The following NMT2 variants were observed in gnomAD, a reference collection of about 807,000 sequenced individuals.
NMT2 encodes N-myristoyltransferase 2.
In NMT2, 35 loss-of-function variants were observed where a neutral mutation model predicts 65.4. That is an observed-to-expected ratio of 0.54 (90% CI 0.41 to 0.71). The LOEUF (loss-of-function observed/expected upper bound fraction) is 0.71. Among genes scored for constraint, NMT2 ranks in the 30% least tolerant of loss-of-function variants. The pLI is 0.00. For synonymous variants in NMT2, 226 were observed against 231.8 expected (o/e 0.98, Z 0.23); for missense variants, 489 against 611.3 (o/e 0.80, Z 2.11).
intron 1 of NMT2, among the ~76,000 whole-genome samples, chr10:15,163,442 C>T (rs115707428): frequency 3.3e-4 from 51 of 152,336 alleles, no homozygotes; most frequent in African/African-American, 1.2e-3. Context: ...CAAAGGGTGA[C>T]ATCACCCATT....
intron 8 of NMT2, among the ~76,000 whole-genome samples, chr10:15,126,820 A>C (rs1315310301): frequency 6.6e-6 from 1 of 152,220 alleles, no homozygotes; most frequent in Non-Finnish European, 1.5e-5. Context: ...GTGTGATAAT[A>C]AATGTTGTTT....
At chr10:15,167,860 G>C (rs755558692) in intron 1 of NMT2, among the ~76,000 whole-genome samples, 18 of 152,198 alleles carry the variant, frequency 1.2e-4, no homozygotes, top group Non-Finnish European at 1.6e-4. Flanking sequence ...TCAGGGGATC[G>C]GCCCTGCTCT....
chr10:15,138,421 A>G (rs1044061770), intron 2 of NMT2: 6 of 471,006 alleles, frequency 1.3e-5, no homozygotes, highest in Admixed American at 9.4e-5. Flanking sequence ...CTGTCCATTC[A>G]CCTTCCATAG....
intron 1 of NMT2, among the ~76,000 whole-genome samples, chr10:15,148,402 A>G (rs898942281): frequency 9.2e-5 from 14 of 152,204 alleles, no homozygotes; most frequent in Non-Finnish European, 1.6e-4. Flanking sequence ...GGTCCCAGCT[A>G]CTCAGGAAGC....
At chr10:15,158,207 T>C (rs777432038) in intron 1 of NMT2, among the ~76,000 whole-genome samples, 1 of 151,678 alleles carries the variant, frequency 6.6e-6, no homozygotes, top group Non-Finnish European at 1.5e-5. Context: ...TCCCAGCTAC[T>C]TGGGAGGCTG....
chr10:15,153,942 G>A (rs967829939), intron 1 of NMT2, among the ~76,000 whole-genome samples: 1 of 152,182 alleles, frequency 6.6e-6, no homozygotes, highest in Non-Finnish European at 1.5e-5. Context: ...GTGAGCCGCC[G>A]CACCTGGCTT....
intron 1 of NMT2, among the ~76,000 whole-genome samples, chr10:15,167,865 T>C (rs1007393959): frequency 1.3e-5 from 2 of 152,214 alleles, no homozygotes; most frequent in African/African-American, 4.8e-5. Flanking sequence ...GGATCGGCCC[T>C]GCTCTGAAGA....
At position 15,133,234 on chromosome 10, in the gene NMT2, TACTC is replaced by T. The variant is rs759325896; in HGVS notation, c.510+7_510+10del. On this transcript the variant is annotated splice_region_variant and intron_variant, in intron 4 of 11. Transcript: ENST00000378165. ...GCAGGAGTTGAATTTAAGAGGTTTTTACTCACTCACCACTTCGGCATCACTCAAG... is the reference window on the plus strand; with the variant it reads ...GCAGGAGTTGAATTTAAGAGGTTTTTACTCACCACTTCGGCATCACTCAAG... 1 of 1,610,378 alleles carries T rather than the reference TACTC, an allele frequency of 6.2e-7. No homozygotes were observed. Among genetic ancestry groups the T allele is most frequent in the Non-Finnish European group, 8.5e-7 (1 of 1,176,568 alleles).
rs1321374981 is a variant in NMT2 at position 15,107,340 on chromosome 10, AG to A, written c.*1854del. Reference sequence around the variant, plus strand: ...AGTTTGGTGGCCCCTGCCTGGGATAAGATATGATTGGTTTCACTGGACTCAT... The same window carrying A: ...AGTTTGGTGGCCCCTGCCTGGGATAAATATGATTGGTTTCACTGGACTCAT... On this transcript the variant is annotated 3_prime_UTR_variant, in exon 12 of 12. Coordinates refer to ENST00000378165, the MANE Select transcript of NMT2 (RefSeq NM_004808.3). 2 of 985,294 alleles carry A rather than the reference AG, an allele frequency of 2.0e-6. No homozygotes were observed. Among genetic ancestry groups the A allele is most frequent in the Non-Finnish European group, 2.4e-6 (2 of 829,892 alleles). 61.0% of individuals were successfully genotyped at this position (985,294 alleles called of 1,614,324 possible).
At chr10:15,144,594 G>T (rs112352129) in intron 1 of NMT2, among the ~76,000 whole-genome samples, 2 of 152,116 alleles carry the variant, frequency 1.3e-5, no homozygotes, top group African/African-American at 2.4e-5. Flanking sequence ...TGCTGGGCGT[G>T]GTGGCGGGCG....
chr10:15,150,492 AG>A (rs1832764377), intron 1 of NMT2, among the ~76,000 whole-genome samples: 1 of 152,172 alleles, frequency 6.6e-6, no homozygotes, highest in African/African-American at 2.4e-5. Context: ...CATCTAAAGT[AG>A]GATTTCAGCT....
At chr10:15,153,875 G>C (rs1029383529) in intron 1 of NMT2, among the ~76,000 whole-genome samples, 2 of 151,938 alleles carry the variant, frequency 1.3e-5, no homozygotes, top group African/African-American at 2.4e-5. Flanking sequence ...GGATGGTCTC[G>C]ATCTCCTGAT....
At chr10:15,156,200 A>T (rs1832991843) in intron 1 of NMT2, among the ~76,000 whole-genome samples, 1 of 152,082 alleles carries the variant, frequency 6.6e-6, no homozygotes, top group Non-Finnish European at 1.5e-5. Context: ...ACCTGGAGGG[A>T]AGTAACTGAA....
rs1227068701 is a variant in NMT2 at position 15,134,672 on chromosome 10, C to G, written c.391+602G>C. 2.6e-5 allele frequency among the ~76,000 whole-genome samples: 4 copies of G among 152,188 alleles called. No individual in the cohort carries two copies. The East Asian group carries it at 7.7e-4, about 29-fold the overall frequency. ...AGGGCCTGGTCCTTCCATCACAGAA[C>G]CTTATATACATTTTTAATACTCTAA... On this transcript the variant is annotated intron_variant, in intron 3 of 11. Coordinates refer to ENST00000378165, the MANE Select transcript of NMT2 (RefSeq NM_004808.3).
chr10:15,138,578 G>C (rs1846606676), intron 2 of NMT2: 1 of 426,812 alleles, frequency 2.3e-6, no homozygotes, highest in South Asian at 1.7e-5. Context: ...ATACTAACCA[G>C]CAACTATACT....
chr10:15,141,290 C>T, intron 2 of NMT2, 132 bp downstream of exon 2: 1 of 1,188,786 alleles, frequency 8.4e-7, no homozygotes, highest in East Asian at 2.3e-5. Flanking sequence ...CAAGAGCTTC[C>T]AGTTACTAGT....
chr10:15,135,828 A>G (rs11259512), intron 2 of NMT2, among the ~76,000 whole-genome samples: 24,237 of 151,070 alleles, frequency 0.16, 3,478 homozygotes, highest in African/African-American at 0.39. Flanking sequence ...GAGGGGATGA[A>G]GGAAAGAACT....
chr10:15,159,740 T>C (rs982285002), intron 1 of NMT2, among the ~76,000 whole-genome samples: 4 of 152,120 alleles, frequency 2.6e-5, no homozygotes, highest in Admixed American at 6.6e-5. Flanking sequence ...ATAAAACCTT[T>C]TACTCTAGCT....
intron 6 of NMT2, 109 bp from the exon 7 acceptor site, chr10:15,130,421 T>A: frequency 1.1e-6 from 1 of 883,182 alleles, no homozygotes. Context: ...AGAATAAGAA[T>A]GCAGGCTGGG....
Sources: gnomAD v4.1 joint callset for allele counts (sites outside exome capture counted in the v4.1 genomes callset) on GRCh38, gnomAD v4.1.1 for gene constraint, MANE v1.5 for transcripts, NCBI Gene and HGNC (gene_info 2026-07-23, HGNC 2026-07-21) for gene names.